Variants in LGALS3BP observed in about 807,000 individuals in gnomAD.
The protein encoded by LGALS3BP is galectin 3 binding protein, also known as galectin-3-binding protein.
A neutral mutation model predicts 22.9 loss-of-function variants in LGALS3BP; 25 were observed. The observed-to-expected ratio is 1.09, with a 90% CI of 0.80 to 1.53. The LOEUF (loss-of-function observed/expected upper bound fraction) is 1.53. Ranked by LOEUF, LGALS3BP falls within the 40% of genes most tolerant of loss-of-function variation. The pLI is 0.00. For synonymous variants in LGALS3BP, 335 were observed against 331.1 expected (o/e 1.01, Z -0.13); for missense variants, 718 against 752.0 (o/e 0.95, Z 0.53).
chr17:78,972,296 G>T lies in LGALS3BP; in HGVS notation c.1038C>A (p.Ile346=). ...HEEVEGLVEK[I]RFPMMLPEEL... ...CCTCAGGGAGCATCATGGGGAAGCG[G>T]ATCTTCTCCACCAAGCCCTCCACCT... Residue 346 remains isoleucine, a synonymous_variant, in exon 6 of 6, where the codon ATC becomes ATA. Coordinates refer to ENST00000262776, the MANE Select transcript of LGALS3BP (RefSeq NM_005567.4). This position sits in a 1 kb window ranked among gnomAD's most constrained non-coding sequence, Gnocchi z 5.1. 2 of 1,613,266 alleles carry T rather than the reference G, an allele frequency of 1.2e-6. No homozygotes were observed. The highest frequency in any genetic ancestry group is 1.7e-6 in the Non-Finnish European group (2 of 1,179,806).
At chr17:78,978,691 C>T (rs2070740501) in intron 1 of LGALS3BP, among the ~76,000 whole-genome samples, 2 of 152,334 alleles carry the variant, frequency 1.3e-5, no homozygotes, top group South Asian at 2.1e-4. Context: ...ACGCCCTCTC[C>T]ACTTCTGCCC....
chr17:78,975,714 C>T (rs1441999656), intron 3 of LGALS3BP, among the ~76,000 whole-genome samples: 1 of 135,874 alleles, frequency 7.4e-6, no homozygotes. Flanking sequence ...ATCACTTGAA[C>T]TCAGGAGGCG....
At chr17:78,977,874 G>A (rs1480699397) in intron 1 of LGALS3BP, among the ~76,000 whole-genome samples, 4 of 152,220 alleles carry the variant, frequency 2.6e-5, no homozygotes. Flanking sequence ...CAGGCTGGGG[G>A]AAGAACAGGG....
rs191854140 is a variant in LGALS3BP, at chr17:78,977,258, G to C, written c.-23-44C>G. On this transcript the variant is annotated intron_variant, in intron 1 of 5. Coordinates refer to ENST00000262776, the MANE Select transcript of LGALS3BP (RefSeq NM_005567.4). ...GAGGGGTGAGGCACGGGAGCCAGAT[G>C]GCCCGAGGCCCCAGGGACTGGCCTG... 30 of 1,520,910 alleles carry C rather than the reference G, an allele frequency of 2.0e-5. No individual in the cohort carries two copies. The East Asian group carries it at 6.5e-4, about 33-fold the overall frequency. The allele number at this position is 1,520,910 out of a possible 1,614,324, so 94.2% of individuals were successfully genotyped here. A position where few individuals can be genotyped will look rare whatever the true frequency, so the allele number is the denominator to read the frequency against.
rs917801053 is a variant in LGALS3BP at position 78,973,548 on chromosome 17, C to T, written c.377-326G>A. 1.3e-5 allele frequency among the ~76,000 whole-genome samples: 2 copies of T among 152,158 alleles called. No homozygotes were observed. The highest frequency in any genetic ancestry group is 2.4e-5 in the African/African-American group (1 of 41,428). ...CTTGGTGGTACTGACTCCGGAGCCC[C>T]CACTCCCCAGCCTTGGTCACCAATC... On this transcript the variant is annotated intron_variant, in intron 4 of 5. Coordinates refer to ENST00000262776, the MANE Select transcript of LGALS3BP (RefSeq NM_005567.4). The surrounding 1 kb of genome is among the most constrained non-coding windows in gnomAD (Gnocchi z 5.8).
Position 78,976,045 on chromosome 17 carries a change from A to G in LGALS3BP, c.164T>C (p.Leu55Pro). 6.2e-7 allele frequency: 1 copy of G among 1,612,678 alleles called. No homozygotes were observed. Among genetic ancestry groups the G allele is most frequent in the Non-Finnish European group, 8.5e-7 (1 of 1,179,800 alleles). The change falls in exon 3 of 6, where the codon CTG becomes CCG. Residue 55 changes from leucine to proline, a missense_variant. Leu to Pro is a moderately conservative substitution (Grantham distance 98). Transcript: ENST00000262776. This position sits in a 1 kb window ranked among gnomAD's most constrained non-coding sequence, Gnocchi z 4.6. ...WGTVCDNLWD[L>P]TDASVVCRAL... The stretch of plus-strand genomic sequence containing the variant: ...CCGGCAGACGACGCTGGCATCAGTC[A>G]GGTCCCACAGGTTGTCACACACAGT...
At chr17:78,979,750 C>CA (rs949010164) in intron 1 of LGALS3BP, 74 bp downstream of exon 1, 17 of 151,154 alleles carry the variant, frequency 1.1e-4, no homozygotes, top group South Asian at 2.1e-4. Context: ...GACCCTGTCT[C>CA]AAAAAAAATA....
Position 78,976,066 on chromosome 17 carries a change from A to G in LGALS3BP, c.143T>C (p.Val48Ala), listed in dbSNP as rs1259003311. The G allele has an allele frequency of 6.2e-7, 1 of 1,611,972 alleles. No individual in the cohort carries two copies. Among genetic ancestry groups the G allele is most frequent in the Non-Finnish European group, 8.5e-7 (1 of 1,179,554 alleles). Reference protein sequence around the residue: ...EIFYRGQWGTVCDNLWDLTDA... With the variant: ...EIFYRGQWGTACDNLWDLTDA... ...AGTCAGGTCCCACAGGTTGTCACAC[A>G]CAGTGCCCCACTGGCCTCTGTAGAA... is the stretch of plus-strand genomic sequence containing the variant. Residue 48 changes from valine (V) to alanine (A), a missense_variant, in exon 3 of 6, where the codon GTG becomes GCG. Physicochemically the swap from Val to Ala is moderately conservative, Grantham distance 64. Transcript: ENST00000262776. The surrounding 1 kb of genome is among the most constrained non-coding windows in gnomAD (Gnocchi z 4.6).
At position 78,972,815 on chromosome 17, in the gene LGALS3BP, CGT is replaced by C; in HGVS notation, c.630-113_630-112del. 7.0e-7 allele frequency: 1 copy of C among 1,432,084 alleles called. No individual in the cohort carries two copies. Among genetic ancestry groups the C allele is most frequent in the South Asian group, 1.4e-5 (1 of 73,414 alleles). The allele number at this position is 1,432,084 out of a possible 1,614,324, so 88.7% of individuals were successfully genotyped here. A position where few individuals can be genotyped will look rare whatever the true frequency, so the allele number is the denominator to read the frequency against. ...TGCACACAGTGTGGGAGTGAGCATG[CGT>C]GTGTGTGCAACTGCGTGAGTGCATG... is the stretch of plus-strand genomic sequence containing the variant. On this transcript the variant is annotated intron_variant, in intron 5 of 5. Coordinates refer to ENST00000262776, the MANE Select transcript of LGALS3BP (RefSeq NM_005567.4). The surrounding 1 kb of genome is among the most constrained non-coding windows in gnomAD (Gnocchi z 5.1).
chr17:78,972,674 G>T lies in LGALS3BP; in HGVS notation c.660C>A (p.Thr220=). Residue 220 remains threonine (T), a synonymous_variant, in exon 6 of 6, where the codon ACC becomes ACA. Coordinates refer to ENST00000262776, the MANE Select transcript of LGALS3BP (RefSeq NM_005567.4). The surrounding 1 kb of genome is among the most constrained non-coding windows in gnomAD (Gnocchi z 5.1). ...TGTGGAAGCACTTGACTGACGACAGGGTGATGTCAATCCTTCGGGAGTAGA... is the reference window on the plus strand; with the variant it reads ...TGTGGAAGCACTTGACTGACGACAGTGTGATGTCAATCCTTCGGGAGTAGA... ...RYFYSRRIDI[T]LSSVKCFHKL... 1 of 1,521,288 alleles carries T rather than the reference G, an allele frequency of 6.6e-7. No homozygotes were observed. The highest frequency in any genetic ancestry group is 8.8e-7 in the Non-Finnish European group (1 of 1,134,776). The allele number at this position is 1,521,288 out of a possible 1,614,324, so 94.2% of individuals were successfully genotyped here. A position where few individuals can be genotyped will look rare whatever the true frequency, so the allele number is the denominator to read the frequency against.
rs1008100218 is a variant in LGALS3BP, at chr17:78,976,207, C to T, written c.53-51G>A. 1 of 1,462,894 alleles carries T rather than the reference C, an allele frequency of 6.8e-7. No homozygotes were observed. 90.6% of individuals were successfully genotyped at this position (1,462,894 alleles called of 1,614,324 possible). A position where few individuals can be genotyped will look rare whatever the true frequency, so the allele number is the denominator to read the frequency against. ...AGGCTGGGGCCTGCAGCACCCACCG[C>T]CCACACCTCCAGGCCCCATATGCTG... On this transcript the variant is annotated intron_variant, in intron 2 of 5. Transcript: ENST00000262776. This position sits in a 1 kb window ranked among gnomAD's most constrained non-coding sequence, Gnocchi z 4.6.
Position 78,976,083 on chromosome 17 carries a change from T to A in LGALS3BP, c.126A>T (p.Arg42Ser), listed in dbSNP as rs756471084. 3 of 1,610,156 alleles carry A rather than the reference T, an allele frequency of 1.9e-6. No homozygotes were observed. Among genetic ancestry groups the A allele is most frequent in the Non-Finnish European group, 2.5e-6 (3 of 1,178,788 alleles). ...TGTCACACACAGTGCCCCACTGGCC[T>A]CTGTAGAAGATCTCCACGCGGCCCT... Reference protein sequence around the residue: ...TNQGRVEIFYRGQWGTVCDNL... With the variant: ...TNQGRVEIFYSGQWGTVCDNL... The change falls in exon 3 of 6, where the codon AGA becomes AGT. Residue 42 changes from arginine (R) to serine (S), a missense_variant. Transcript: ENST00000262776. This position sits in a 1 kb window ranked among gnomAD's most constrained non-coding sequence, Gnocchi z 4.6.
In LGALS3BP at chr17:78,972,239, C is replaced by T. The variant is rs1170532660; in HGVS notation, c.1095G>A (p.Leu365=). The T allele has an allele frequency of 1.2e-6, 2 of 1,613,860 alleles. No homozygotes were observed. The highest frequency in any genetic ancestry group is 1.1e-5 in the South Asian group (1 of 91,078). Residue 365 remains leucine (L), a synonymous_variant, in exon 6 of 6, where the codon CTG becomes CTA. Transcript: ENST00000262776. The surrounding 1 kb of genome is among the most constrained non-coding windows in gnomAD (Gnocchi z 5.1). ...GGAACAGGGCCTCGTGGCTCCAGTA[C>T]AGGGACAGGTTGAACTGCAGCTCAA... ...ELFELQFNLS[L]YWSHEALFQK... is the part of the protein sequence containing the mutation.
chr17:78,971,936 G>C lies in LGALS3BP; in HGVS notation c.1398C>G (p.His466Gln). ...TCTTGTCCTGGAAGAGGAAGCTGGG[G>C]TGTTGTGGAGTCTGGAAGGACTGGT... ...YPYQSFQTPQ[H>Q]PSFLFQDKRV... Residue 466 changes from histidine to glutamine, a missense_variant, in exon 6 of 6, where the codon CAC becomes CAG. His to Gln is a conservative substitution (Grantham distance 24). Coordinates refer to ENST00000262776, the MANE Select transcript of LGALS3BP (RefSeq NM_005567.4). This position sits in a 1 kb window ranked among gnomAD's most constrained non-coding sequence, Gnocchi z 5.6. 1 of 1,614,174 alleles carries C rather than the reference G, an allele frequency of 6.2e-7. No homozygotes were observed. The highest frequency in any genetic ancestry group is 1.1e-5 in the South Asian group (1 of 91,086).
Position 78,971,775 on chromosome 17 carries a change from T to C in LGALS3BP, c.1559A>G (p.Asn520Ser). 4 of 1,614,044 alleles carry C rather than the reference T, an allele frequency of 2.5e-6. No homozygotes were observed. The highest frequency in any genetic ancestry group is 3.4e-6 in the Non-Finnish European group (4 of 1,180,024). Residue 520 changes from asparagine to serine, a missense_variant, in exon 6 of 6, where the codon AAC (asparagine) becomes AGC (serine). Coordinates refer to ENST00000262776, the MANE Select transcript of LGALS3BP (RefSeq NM_005567.4). This position sits in a 1 kb window ranked among gnomAD's most constrained non-coding sequence, Gnocchi z 5.6. ...GGSDRTIAYE[N>S]KALMLCEGLF... ...CCCTTCGCAGAGCATCAGGGCTTTGTTTTCGTAGGCAATGGTGCGATCTGA... is the reference window on the plus strand; with the variant it reads ...CCCTTCGCAGAGCATCAGGGCTTTGCTTTCGTAGGCAATGGTGCGATCTGA...
At chr17:78,977,325 G>T (rs1351600459) in intron 1 of LGALS3BP, 111 bp from the exon 2 acceptor site, 6 of 839,348 alleles carry the variant, frequency 7.1e-6, no homozygotes, top group East Asian at 2.6e-5. Context: ...GTGGCAGGCG[G>T]GGTCCCTCTC....
In LGALS3BP at chr17:78,972,389, C is replaced by T; in HGVS notation, c.945G>A (p.Val315=). The T allele has an allele frequency of 6.2e-7, 1 of 1,613,488 alleles. No homozygotes were observed. Among genetic ancestry groups the T allele is most frequent in the Non-Finnish European group, 8.5e-7 (1 of 1,180,032 alleles). Residue 315 remains valine (V), a synonymous_variant, in exon 6 of 6, where the codon GTG becomes GTA. Transcript: ENST00000262776. This position sits in a 1 kb window ranked among gnomAD's most constrained non-coding sequence, Gnocchi z 5.1. ...CCTTCAGTAGGGCCAGCTCGCTGGGCACCGCCAGGTCGCTCCTGGGCAGCA... is the reference window on the plus strand; with the variant it reads ...CCTTCAGTAGGGCCAGCTCGCTGGGTACCGCCAGGTCGCTCCTGGGCAGCA... The part of the protein sequence containing the change: ...QLLLPRSDLA[V]PSELALLKAV...
At position 78,976,251 on chromosome 17, in the gene LGALS3BP, G is replaced by A; in HGVS notation, c.53-95C>T. ...TATGCTGTCCTGGGTCTCCCCTGCT[G>A]AGCTTGTATTTCAGGGCTTCAAGGT... On this transcript the variant is annotated intron_variant, in intron 2 of 5. Coordinates refer to ENST00000262776, the MANE Select transcript of LGALS3BP (RefSeq NM_005567.4). The surrounding 1 kb of genome is among the most constrained non-coding windows in gnomAD (Gnocchi z 4.6). 1 of 1,152,664 alleles carries A rather than the reference G, an allele frequency of 8.7e-7. No homozygotes were observed. The highest frequency in any genetic ancestry group is 1.6e-5 in the African/African-American group (1 of 64,162). The allele number at this position is 1,152,664 out of a possible 1,614,324, so 71.4% of individuals were successfully genotyped here.
Position 78,973,377 on chromosome 17 carries a change from G to T in LGALS3BP, c.377-155C>A. 2.1e-6 allele frequency: 2 copies of T among 933,568 alleles called. No homozygotes were observed. Among genetic ancestry groups the T allele is most frequent in the Non-Finnish European group, 3.1e-6 (2 of 646,834 alleles). The allele number at this position is 933,568 out of a possible 1,614,324, so 57.8% of individuals were successfully genotyped here. ...ACGAGGGACAAGAGAGACCGGAAGT[G>T]TCGGATTCCTGGACCCTGAGGCCCC... On this transcript the variant is annotated intron_variant, in intron 4 of 5. Transcript: ENST00000262776. This position sits in a 1 kb window ranked among gnomAD's most constrained non-coding sequence, Gnocchi z 5.8.
Sources: allele counts gnomAD v4.1 joint callset (sites outside exome capture counted in the v4.1 genomes callset), GRCh38; gene constraint gnomAD v4.1.1; non-coding constraint Gnocchi (gnomAD v3.1); transcripts MANE v1.5; gene names NCBI Gene and HGNC (gene_info 2026-07-23, HGNC 2026-07-21).